COL12A1: variants seen among roughly 807,000 people sequenced by gnomAD.
COL12A1 encodes collagen type XII alpha 1 chain, also known as collagen alpha-1(XII) chain.
COL12A1 carries 114 observed loss-of-function variants against 349.7 expected under a neutral mutation model. The ratio of observed to expected loss-of-function variants is 0.33; its 90% CI spans 0.28 to 0.38. The LOEUF (loss-of-function observed/expected upper bound fraction) is 0.38. Ranked by LOEUF, COL12A1 falls within the 10% of genes least tolerant of loss-of-function variation. The pLI, the probability that COL12A1 is intolerant of heterozygous loss-of-function variation, is 1.00. For synonymous variants in COL12A1, 1,369 were observed against 1,329.0 expected (o/e 1.03, Z -0.66); for missense variants, 3,284 against 3,756.9 (o/e 0.87, Z 3.29).
intron 59 of COL12A1, among the ~76,000 whole-genome samples, chr6:75,095,591 T>C (rs1351935961): frequency 7.6e-6 from 1 of 131,838 alleles, no homozygotes; most frequent in Non-Finnish European, 1.5e-5. Flanking sequence ...CAGTCCGCAG[T>C]CCGGCCTGGG....
intron 32 of COL12A1, among the ~76,000 whole-genome samples, chr6:75,134,289 G>A (rs763422897): frequency 3.9e-5 from 6 of 152,062 alleles, no homozygotes; most frequent in Non-Finnish European, 7.3e-5. Context: ...GATCAATATG[G>A]CCAGGCACGG....
intron 55 of COL12A1, 73 bp downstream of exon 55, chr6:75,103,684 C>G (rs374911727): frequency 3.4e-5 from 44 of 1,310,072 alleles, no homozygotes; most frequent in South Asian, 2.8e-4. Flanking sequence ...TCACATACCC[C>G]CTTTGTGAAA....
At chr6:75,097,376 G>A (rs1389178449) in intron 58 of COL12A1, 70 bp from the exon 59 acceptor site, 1 of 1,299,322 alleles carries the variant, frequency 7.7e-7, no homozygotes, top group African/African-American at 1.5e-5. Flanking sequence ...ATGCTAAACA[G>A]GTTGCTAAAG....
chr6:75,200,109 C>T (rs954429458), intron 2 of COL12A1, among the ~76,000 whole-genome samples: 3 of 152,064 alleles, frequency 2.0e-5, no homozygotes, highest in East Asian at 1.9e-4. Flanking sequence ...TTGAAATGCC[C>T]CCAACAGAAA....
intron 43 of COL12A1, 25 bp downstream of exon 43, chr6:75,123,305 G>A (rs754968800): frequency 3.8e-5 from 60 of 1,587,276 alleles, no homozygotes; most frequent in Non-Finnish European, 4.7e-5. Flanking sequence ...TCAGCTGAAC[G>A]TATTGCCTAT....
chr6:75,151,110 C>T, intron 21 of COL12A1, 31 bp downstream of exon 21: 2 of 1,132,292 alleles, frequency 1.8e-6, no homozygotes, highest in Non-Finnish European at 2.3e-6. Flanking sequence ...ACCAGCAGTG[C>T]TGAGGGAGAG....
chr6:75,178,008 CT>C, intron 11 of COL12A1, 73 bp from the exon 12 acceptor site: 1 of 1,343,218 alleles, frequency 7.4e-7, no homozygotes, highest in Non-Finnish European at 1.0e-6. Flanking sequence ...CAAAAATTAC[CT>C]TTTTATTACT....
chr6:75,183,617 C>G lies in COL12A1; in HGVS notation c.1324G>C (p.Val442Leu). Residue 442 changes from valine to leucine, a missense_variant, in exon 10 of 66, where the codon GTG (valine) becomes CTG (leucine). Val to Leu is a conservative substitution (Grantham distance 32, BLOSUM62 1). This residue lies in a region of COL12A1 where 2,601 missense variants were observed against 2,824.8 expected (regional missense o/e 0.92). Coordinates refer to ENST00000322507, the MANE Select transcript of COL12A1 (RefSeq NM_004370.6). Reference protein sequence around the residue: ...SRGVDIKADIVFLVDGSYSIG... With the variant: ...SRGVDIKADILFLVDGSYSIG... ...CTATAGGAGCCATCAACCAAAAACA[C>G]AATATCGGCTTTTATATCCACACCA... The G allele has an allele frequency of 6.2e-7, 1 of 1,612,406 alleles. No individual in the cohort carries two copies. The highest frequency in any genetic ancestry group is 1.1e-5 in the South Asian group (1 of 90,600).
chr6:75,130,851 C>G lies in COL12A1; in HGVS notation c.6067+1G>C. ...GAATGGAGAAAGGATTTCTGCCTCA[C>G]GCGTTCGGCCCTGGGCAGGGCTGGG... On this transcript the variant is annotated splice_donor_variant, in intron 36 of 65. Transcript: ENST00000322507. LOFTEE classifies it high-confidence loss of function. 1.9e-6 allele frequency: 3 copies of G among 1,613,972 alleles called. No individual in the cohort carries two copies. The highest frequency in any genetic ancestry group is 2.5e-6 in the Non-Finnish European group (3 of 1,179,912).
At chr6:75,189,501 G>T (rs1457996668) in intron 6 of COL12A1, 51 bp downstream of exon 6, 6 of 1,585,472 alleles carry the variant, frequency 3.8e-6, no homozygotes, top group Non-Finnish European at 5.1e-6. Flanking sequence ...ATTTCTTTCT[G>T]AAACAGACAT....
At chr6:75,097,413 C>T (rs947207141) in intron 58 of COL12A1, 107 bp from the exon 59 acceptor site, 17 of 742,998 alleles carry the variant, frequency 2.3e-5, no homozygotes, top group Non-Finnish European at 3.8e-5. Context: ...AGGATTTAGC[C>T]CAACATGCTG....
chr6:75,191,980 C>G (rs904029864), intron 4 of COL12A1, among the ~76,000 whole-genome samples: 3 of 151,936 alleles, frequency 2.0e-5, no homozygotes, highest in African/African-American at 7.2e-5. Context: ...TGTTGTCCAG[C>G]AAAGTTTAAC....
intron 43 of COL12A1, among the ~76,000 whole-genome samples, chr6:75,121,676 G>T (rs1765740217): frequency 6.6e-6 from 1 of 152,114 alleles, no homozygotes; most frequent in African/African-American, 2.4e-5. Flanking sequence ...AAGAAGCATT[G>T]CGGGGACCCT....
chr6:75,142,268 GA>G (rs1766934780), intron 26 of COL12A1, 107 bp from the exon 27 acceptor site: 2 of 1,323,604 alleles, frequency 1.5e-6, no homozygotes, highest in Non-Finnish European at 2.1e-6. Context: ...ATTGTGATCA[GA>G]AAAGAGCAGT....
chr6:75,145,654 CAG>C (rs1161437097), intron 24 of COL12A1, among the ~76,000 whole-genome samples, 199 bp from the exon 25 acceptor site: 1 of 129,786 alleles, frequency 7.7e-6, no homozygotes. Context: ...GTTTTTGAGA[CAG>C]AGTCTCACTC....
At chr6:75,088,870 G>A (rs972844791) in intron 64 of COL12A1, among the ~76,000 whole-genome samples, 9 of 151,866 alleles carry the variant, frequency 5.9e-5, no homozygotes, top group Admixed American at 1.3e-4. Context: ...GCGTGGTGGC[G>A]GGCGCCTGTA....
Position 75,192,193 on chromosome 6 carries a change from A to C in COL12A1, c.334+19T>G, listed in dbSNP as rs765042021. On this transcript the variant is annotated intron_variant, in intron 4 of 65. Transcript: ENST00000322507. ...AAAATAAAAATTATACAAATATTTT[A>C]TTTTATATGTGTGCTTACTTGTTAG... 3.4e-6 allele frequency: 5 copies of C among 1,457,964 alleles called. No individual in the cohort carries two copies. In the East Asian group the frequency reaches 1.3e-4, roughly 37 times the overall value. 90.3% of individuals were successfully genotyped at this position (1,457,964 alleles called of 1,614,324 possible). A position where few individuals can be genotyped will look rare whatever the true frequency, so the allele number is the denominator to read the frequency against.
At chr6:75,097,381 C>A in intron 58 of COL12A1, 75 bp from the exon 59 acceptor site, 2 of 1,242,168 alleles carry the variant, frequency 1.6e-6, no homozygotes, top group Non-Finnish European at 2.3e-6. Context: ...AAACAGGTTG[C>A]TAAAGCTGAA....
At chr6:75,089,883 G>T (rs1454145128) in intron 63 of COL12A1, among the ~76,000 whole-genome samples, 4 of 152,050 alleles carry the variant, frequency 2.6e-5, no homozygotes, top group African/African-American at 7.2e-5. Context: ...AACAACAAAA[G>T]TCAGAAAATA....
Sources: gnomAD v4.1 joint callset for allele counts (sites outside exome capture counted in the v4.1 genomes callset) on GRCh38, gnomAD v4.1.1 for gene constraint, gnomAD v4.1.1 regional missense constraint, MANE v1.5 for transcripts, NCBI Gene and HGNC (gene_info 2026-07-23, HGNC 2026-07-21) for gene names.